The following KCNJ12 variants were observed in gnomAD, a reference collection of about 807,000 sequenced individuals.
KCNJ12 encodes the protein potassium inwardly rectifying channel subfamily J member 12.
Under a neutral mutation model 22.3 loss-of-function variants are expected in KCNJ12, and 2 were observed. The ratio of observed to expected loss-of-function variants is 0.09; its 90% CI spans 0.04 to 0.28. The LOEUF (loss-of-function observed/expected upper bound fraction) is 0.28. Ranked by LOEUF, KCNJ12 falls within the 10% of genes least tolerant of loss-of-function variation. The pLI is 1.00. For missense variants in KCNJ12, 155 were observed against 633.3 expected (o/e 0.24, Z 8.11); for synonymous variants, 117 against 261.4 (o/e 0.45, Z 5.33).
chr17:21,414,190 A>G (rs1327632308), intron 2 of KCNJ12, among the ~76,000 whole-genome samples: 1 of 152,284 alleles, frequency 6.6e-6, no homozygotes, highest in African/African-American at 2.4e-5. Context: ...GGACAACAAG[A>G]AGCAAAAGAG....
At chr17:21,393,027 C>G (rs528499230) in intron 1 of KCNJ12, among the ~76,000 whole-genome samples, 2 of 152,280 alleles carry the variant, frequency 1.3e-5, no homozygotes, top group African/African-American at 4.8e-5. Context: ...GTCCCCTACT[C>G]TCTGGGGAGG....
At chr17:21,397,361 G>A (rs1316636946) in intron 1 of KCNJ12, among the ~76,000 whole-genome samples, 6 of 152,242 alleles carry the variant, frequency 3.9e-5, no homozygotes, top group African/African-American at 1.4e-4. Flanking sequence ...AGCTTCTCTT[G>A]CCTGAGATCG....
At chr17:21,414,071 G>C (rs1213125451) in intron 2 of KCNJ12, among the ~76,000 whole-genome samples, 1 of 152,310 alleles carries the variant, frequency 6.6e-6, no homozygotes, top group Non-Finnish European at 1.5e-5. Context: ...CATGTGGGTG[G>C]ACACTGTAGA....
rs527777217 is a variant in KCNJ12 at position 21,397,230 on chromosome 17, T to C, written c.-178-11289T>C. ...GTCCAATGGGGATAATAGCAGACTC[T>C]TCCCTGCAGAGCTTTCTCAGGGCGC... is the stretch of plus-strand genomic sequence containing the variant. On this transcript the variant is annotated intron_variant, in intron 1 of 2. Coordinates refer to ENST00000583088, the MANE Select transcript of KCNJ12 (RefSeq NM_021012.5). 4.2e-4 allele frequency among the ~76,000 whole-genome samples: 64 copies of C among 152,218 alleles called. 1 individual carries two copies. Among genetic ancestry groups the C allele is most frequent in the Non-Finnish European group, 5.0e-4 (34 of 68,036 alleles).
chr17:21,415,227 T>A (rs1232182775), intron 2 of KCNJ12, 60 bp from the exon 3 acceptor site: 74 of 1,490,936 alleles, frequency 5.0e-5, no homozygotes, highest in Non-Finnish European at 6.6e-5. Flanking sequence ...GGCCCTGGGA[T>A]GGGGGTAGAG....
intron 1 of KCNJ12, among the ~76,000 whole-genome samples, chr17:21,386,331 C>G (rs1461264999): frequency 7.9e-5 from 12 of 151,964 alleles, no homozygotes; most frequent in African/African-American, 2.9e-4. Context: ...CTGCCTCTCC[C>G]TCTCCTCTCT....
chr17:21,381,953 A>C (rs1555557971), intron 1 of KCNJ12, among the ~76,000 whole-genome samples: 1 of 152,200 alleles, frequency 6.6e-6, no homozygotes, highest in African/African-American at 2.4e-5. Flanking sequence ...CTTGGTAGCA[A>C]TGGTAGCCAG....
chr17:21,399,532 CAG>C (rs1166950961), intron 1 of KCNJ12, among the ~76,000 whole-genome samples: 2 of 152,168 alleles, frequency 1.3e-5, no homozygotes, highest in South Asian at 2.1e-4. Context: ...AGGGGCCAAA[CAG>C]GGGCCAGACA....
intron 1 of KCNJ12, among the ~76,000 whole-genome samples, chr17:21,378,506 G>A (rs1904751291): frequency 6.6e-6 from 1 of 152,132 alleles, no homozygotes; most frequent in South Asian, 2.1e-4. Flanking sequence ...ATTTGGTGGG[G>A]CCAAGCCGCC....
rs1567710852 is a variant in KCNJ12 at position 21,418,918 on chromosome 17, C to G, written c.*2274C>G. The G allele has an allele frequency of 6.0e-6, 1 of 166,676 alleles. No homozygotes were observed. The highest frequency in any genetic ancestry group is 1.9e-4 in the East Asian group (1 of 5,190). 10.3% of individuals were successfully genotyped at this position (166,676 alleles called of 1,614,324 possible). A position where few individuals can be genotyped will look rare whatever the true frequency, so the allele number is the denominator to read the frequency against. ...CCGACCCAGAGCTGAGTCCGAGGAC[C>G]CCAGGCCCACCTCCTGGCCCTCTTG... On this transcript the variant is annotated 3_prime_UTR_variant, in exon 3 of 3. Transcript: ENST00000583088.
intron 1 of KCNJ12, among the ~76,000 whole-genome samples, chr17:21,394,417 C>G (rs530190531): frequency 1.3e-5 from 2 of 152,346 alleles, no homozygotes; most frequent in South Asian, 4.1e-4. Context: ...TTGTGTAAGT[C>G]TCTCTATGAT....
chr17:21,387,984 C>T (rs1471154351), intron 1 of KCNJ12, among the ~76,000 whole-genome samples: 1 of 152,166 alleles, frequency 6.6e-6, no homozygotes, highest in East Asian at 1.9e-4. Context: ...CTTCCTTCCA[C>T]TCCTCCCCCA....
chr17:21,408,279 T>C (rs1478214223), intron 1 of KCNJ12, among the ~76,000 whole-genome samples: 1 of 152,280 alleles, frequency 6.6e-6, no homozygotes, highest in African/African-American at 2.4e-5. Context: ...CACTCAATAA[T>C]TGTCAGCGGT....
chr17:21,380,022 G>A lies in KCNJ12; in HGVS notation c.-179+3109G>A, dbSNP rs78356263. Among the ~76,000 whole-genome samples, 786 of 152,268 alleles carry A rather than the reference G, an allele frequency of 5.2e-3. 5 individuals are homozygous for A. The highest frequency in any genetic ancestry group is 0.017 in the African/African-American group (699 of 41,552). On this transcript the variant is annotated intron_variant, in intron 1 of 2. Coordinates refer to ENST00000583088, the MANE Select transcript of KCNJ12 (RefSeq NM_021012.5). ...CTGTGGGGCTCAGACCCAGAGCCCT[G>A]GTGCTTTCCCAGGGACAGAACTGCA...
At chr17:21,397,517 G>A (rs1555560031) in intron 1 of KCNJ12, among the ~76,000 whole-genome samples, 4 of 152,230 alleles carry the variant, frequency 2.6e-5, no homozygotes, top group Admixed American at 2.0e-4. Context: ...TCGTCCTCCC[G>A]CCCGGCAGAG....
intron 1 of KCNJ12, among the ~76,000 whole-genome samples, chr17:21,383,707 T>C (rs1904965278): frequency 1.3e-5 from 2 of 152,018 alleles, no homozygotes; most frequent in Non-Finnish European, 1.5e-5. Context: ...TCTCAGAGAA[T>C]CCTAGAGGTC....
chr17:21,411,541 A>T (rs1906349831), intron 2 of KCNJ12, among the ~76,000 whole-genome samples: 2 of 152,310 alleles, frequency 1.3e-5, no homozygotes, highest in Non-Finnish European at 2.9e-5. Context: ...TGGCAGGCCA[A>T]CCTGGGTGTC....
intron 2 of KCNJ12, among the ~76,000 whole-genome samples, chr17:21,411,002 G>C (rs1227823221): frequency 2.0e-5 from 3 of 152,310 alleles, no homozygotes; most frequent in Non-Finnish European, 4.4e-5. Context: ...CTGCATGGGG[G>C]ATGGGGGCTG....
chr17:21,388,416 C>G (rs1905129767), intron 1 of KCNJ12, among the ~76,000 whole-genome samples: 1 of 152,198 alleles, frequency 6.6e-6, no homozygotes, highest in Non-Finnish European at 1.5e-5. Context: ...CCTGTGACCC[C>G]CTTGCCACAC....
Sources: allele counts gnomAD v4.1 joint callset (sites outside exome capture counted in the v4.1 genomes callset), GRCh38; gene constraint gnomAD v4.1.1; transcripts MANE v1.5; gene names NCBI Gene and HGNC (gene_info 2026-07-23, HGNC 2026-07-21).